FBN2: variants seen among roughly 807,000 people sequenced by gnomAD.
FBN2 encodes the protein fibrillin 2, also known as fibrillin-2.
FBN2 carries 105 observed loss-of-function variants against 355.6 expected under a neutral mutation model. That is an observed-to-expected ratio of 0.30 (90% CI 0.25 to 0.35). The LOEUF (loss-of-function observed/expected upper bound fraction) is 0.35. FBN2 is among the 10% of genes least tolerant of loss of function. FBN2 has a pLI of 1.00. For missense variants in FBN2, 3,280 were observed against 3,758.7 expected, an observed-to-expected ratio of 0.87 and a Z score of 3.33; for synonymous variants, 1,350 against 1,301.2, an observed-to-expected ratio of 1.04 and a Z score of -0.81.
chr5:128,347,057 A>G (rs1365286190), intron 23 of FBN2, among the ~76,000 whole-genome samples: 1 of 152,188 alleles, frequency 6.6e-6, no homozygotes, highest in Non-Finnish European at 1.5e-5. Flanking sequence ...TCCGTCCCAT[A>G]TGTCAGCAGC....
intron 8 of FBN2, among the ~76,000 whole-genome samples, chr5:128,403,151 T>C (rs1752841362): frequency 6.6e-6 from 1 of 152,104 alleles, no homozygotes. Context: ...TGCTGTGTAA[T>C]ACATAAATAA....
intron 8 of FBN2, among the ~76,000 whole-genome samples, chr5:128,406,621 GCTACTAAGTGA>G (rs953580025): frequency 3.3e-5 from 5 of 152,146 alleles, no homozygotes; most frequent in Non-Finnish European, 7.3e-5. Context: ...AACTGAGATG[GCTACTAAGTGA>G]CTAGTGGGTG....
intron 5 of FBN2, among the ~76,000 whole-genome samples, chr5:128,505,124 AT>A (rs1755921344): frequency 6.6e-6 from 1 of 152,198 alleles, no homozygotes; most frequent in Non-Finnish European, 1.5e-5. Flanking sequence ...CCTCCCAGCC[AT>A]GTGGAACTGT....
intron 48 of FBN2, among the ~76,000 whole-genome samples, chr5:128,298,627 G>A (rs1202180297): frequency 6.6e-5 from 10 of 152,036 alleles, no homozygotes; most frequent in South Asian, 6.2e-4. Flanking sequence ...AGTTGATCGC[G>A]TCAGCTCCTG....
At chr5:128,310,958 T>G (rs1750038962) in intron 39 of FBN2, among the ~76,000 whole-genome samples, 1 of 152,162 alleles carries the variant, frequency 6.6e-6, no homozygotes, top group Non-Finnish European at 1.5e-5. Flanking sequence ...ATTAAGTTAA[T>G]GGTCACATTT....
rs1350815388 is a variant in FBN2, at chr5:128,278,770, G to A, written c.7210C>T (p.Leu2404Phe). ...ICQMASSSRN[L>F]VTKSECCCDG... ...CAGCAGCATTCTGACTTAGTGACGA[G>A]ATTGCGACTACTGGATGCCATTTGA... The change falls in exon 57 of 65, where the codon CTC (leucine) becomes TTC (phenylalanine). Residue 2404 changes from leucine to phenylalanine, a missense_variant. Leu to Phe is a conservative substitution (Grantham distance 22). Around this residue, in one of 6 missense-constraint regions of FBN2, gnomAD observed 2,284 missense variants for 2,749.5 expected, o/e 0.83. Coordinates refer to ENST00000262464, the MANE Select transcript of FBN2 (RefSeq NM_001999.4). The A allele has an allele frequency of 6.2e-7, 1 of 1,614,130 alleles. No individual in the cohort carries two copies.
chr5:128,488,770 G>A (rs575818215), intron 5 of FBN2, among the ~76,000 whole-genome samples: 8 of 151,438 alleles, frequency 5.3e-5, no homozygotes, highest in Non-Finnish European at 1.0e-4. Context: ...TTGTCCTTGC[G>A]ATAGTTTACT....
chr5:128,278,730 C>A lies in FBN2; in HGVS notation c.7250G>T (p.Gly2417Val), dbSNP rs886038938. Reference sequence around the variant, plus strand: ...GCAAAGCTCGCACTGGTGGCCCCAGCCTCGCCCACCATCACAGCAGCATTC... The same window carrying A: ...GCAAAGCTCGCACTGGTGGCCCCAGACTCGCCCACCATCACAGCAGCATTC... ...KSECCCDGGR[G>V]WGHQCELCPL... The change falls in exon 57 of 65, where the codon GGC becomes GTC. Residue 2417 changes from glycine (G) to valine (V), a missense_variant. Physicochemically the swap from Gly to Val is moderately radical, Grantham distance 109. Around this residue, in one of 6 missense-constraint regions of FBN2, gnomAD observed 2,284 missense variants for 2,749.5 expected, o/e 0.83. Transcript: ENST00000262464. The A allele has an allele frequency of 6.2e-7, 1 of 1,614,158 alleles. No homozygotes were observed. Among genetic ancestry groups the A allele is most frequent in the Non-Finnish European group, 8.5e-7 (1 of 1,180,016 alleles).
chr5:128,438,982 A>G (rs1392685666), intron 7 of FBN2, among the ~76,000 whole-genome samples: 1 of 152,044 alleles, frequency 6.6e-6, no homozygotes, highest in African/African-American at 2.4e-5. Flanking sequence ...ATACACACAC[A>G]CACTTTTTAA....
intron 7 of FBN2, among the ~76,000 whole-genome samples, chr5:128,427,360 A>G (rs1044230173): frequency 6.7e-6 from 1 of 149,800 alleles, no homozygotes; most frequent in African/African-American, 2.4e-5. Flanking sequence ...TTTGTTCTCT[A>G]TAGAAACTAA....
intron 5 of FBN2, among the ~76,000 whole-genome samples, chr5:128,480,029 T>TACACAC (rs762120121): frequency 4.8e-5 from 5 of 103,804 alleles, no homozygotes; most frequent in African/African-American, 1.4e-4. Flanking sequence ...TATATGTATA[T>TACACAC]ACACACACAC....
chr5:128,335,223 C>A lies in FBN2; in HGVS notation c.3920G>T (p.Arg1307Leu). 4 of 1,614,038 alleles carry A rather than the reference C, an allele frequency of 2.5e-6. No homozygotes were observed. The South Asian group carries it at 4.4e-5, about 18-fold the overall frequency. Residue 1307 changes from arginine to leucine, a missense_variant, in exon 30 of 65, where the codon CGC becomes CTC. By Grantham distance (102) the Arg-to-Leu change is moderately radical (BLOSUM62 -2). This residue lies in a region of FBN2 where 2,284 missense variants were observed against 2,749.5 expected (regional missense o/e 0.83). Coordinates refer to ENST00000262464, the MANE Select transcript of FBN2 (RefSeq NM_001999.4). ...GQCTNIPGEY[R>L]CLCYDGFMAS... Reference sequence around the variant, plus strand: ...CATGAAGCCATCATAGCAGAGGCAGCGATACTCTCCAGGAATGTTGGTACA... The same window carrying A: ...CATGAAGCCATCATAGCAGAGGCAGAGATACTCTCCAGGAATGTTGGTACA...
intron 5 of FBN2, among the ~76,000 whole-genome samples, chr5:128,497,814 T>A (rs773679571): frequency 1.1e-4 from 17 of 152,154 alleles, no homozygotes; most frequent in Non-Finnish European, 2.4e-4. Context: ...TCTAGTTAAG[T>A]AACAGAAAAA....
chr5:128,353,878 C>A (rs1424315160), intron 20 of FBN2, among the ~76,000 whole-genome samples: 3 of 152,144 alleles, frequency 2.0e-5, no homozygotes, highest in Non-Finnish European at 2.9e-5. Flanking sequence ...CACTGTGATT[C>A]TTTAGGCTGG....
At chr5:128,533,300 C>A (rs1756754616) in intron 2 of FBN2, among the ~76,000 whole-genome samples, 1 of 152,160 alleles carries the variant, frequency 6.6e-6, no homozygotes, top group Non-Finnish European at 1.5e-5. Flanking sequence ...GGGTTCCAAA[C>A]CAAATGAAGG....
In FBN2 at chr5:128,287,290, C is replaced by T. The variant is rs539689808; in HGVS notation, c.6880+18G>A. ...ATGACAAATAAAGTTCGAACTACTC[C>T]CGAGTCTGAGGCCTTACCTTTGCAC... On this transcript the variant is annotated intron_variant, in intron 54 of 64. Transcript: ENST00000262464. The T allele has an allele frequency of 1.2e-6, 2 of 1,613,570 alleles. No individual in the cohort carries two copies. The highest frequency in any genetic ancestry group is 2.2e-5 in the South Asian group (2 of 91,034).
At chr5:128,272,512 G>A (rs1210892067) in intron 61 of FBN2, among the ~76,000 whole-genome samples, 4 of 147,780 alleles carry the variant, frequency 2.7e-5, no homozygotes, top group African/African-American at 1.0e-4. Flanking sequence ...GCATAGTCCA[G>A]TAAGTTTGAA....
chr5:128,395,201 C>T lies in FBN2; in HGVS notation c.1152G>A (p.Thr384=), dbSNP rs267600336. The change falls in exon 9 of 65, where the codon ACG becomes ACA. Residue 384 remains threonine (T), a synonymous_variant. Coordinates refer to ENST00000262464, the MANE Select transcript of FBN2 (RefSeq NM_001999.4). ...RCAQELPGRM[T]KMQCCCEPGR... ...CAGGCTCACAGCAGCACTGCATTTT[C>T]GTCATTCTCCCCGGGAGCTCTTGTG... The T allele has an allele frequency of 5.6e-6, 9 of 1,613,934 alleles. No individual in the cohort carries two copies. The highest frequency in any genetic ancestry group is 1.6e-4 in the Middle Eastern group (1 of 6,082).
At chr5:128,379,570 G>A (rs1001112066) in intron 11 of FBN2, among the ~76,000 whole-genome samples, 2 of 152,000 alleles carry the variant, frequency 1.3e-5, no homozygotes, top group African/African-American at 4.8e-5. Flanking sequence ...GCAAATACTA[G>A]TCGTGACCAA....
Sources: gnomAD v4.1 joint callset for allele counts (sites outside exome capture counted in the v4.1 genomes callset) on GRCh38, gnomAD v4.1.1 for gene constraint, gnomAD v4.1.1 regional missense constraint, MANE v1.5 for transcripts, NCBI Gene and HGNC (gene_info 2026-07-23, HGNC 2026-07-21) for gene names.